Variants in GALNT17 observed in about 807,000 individuals in gnomAD.
The protein encoded by GALNT17 is polypeptide N-acetylgalactosaminyltransferase 17.
In GALNT17, 29 loss-of-function variants were observed where a neutral mutation model predicts 63.7. The ratio of observed to expected loss-of-function variants is 0.46; its 90% CI spans 0.34 to 0.62. The LOEUF is 0.62. Ranked by LOEUF, GALNT17 falls within the 20% of genes least tolerant of loss-of-function variation. The pLI, the probability that GALNT17 is intolerant of heterozygous loss-of-function variation, is 0.01. For missense variants in GALNT17, 603 were observed against 799.6 expected (o/e 0.75, Z 2.97); for synonymous variants, 305 against 318.3 (o/e 0.96, Z 0.45).
chr7:71,413,251 A>C (rs1793462039), intron 3 of GALNT17, among the ~76,000 whole-genome samples: 1 of 152,042 alleles, frequency 6.6e-6, no homozygotes, highest in Non-Finnish European at 1.5e-5. Flanking sequence ...CCCAGCCAAA[A>C]CAGTTTCTCT....
intron 2 of GALNT17, among the ~76,000 whole-genome samples, chr7:71,349,335 C>T (rs916638485): frequency 6.6e-6 from 1 of 152,076 alleles, no homozygotes; most frequent in Admixed American, 6.6e-5. Flanking sequence ...GGGAGAGCCA[C>T]GTGTGCGCTG....
At chr7:71,593,081 T>C (rs1231002776) in intron 6 of GALNT17, among the ~76,000 whole-genome samples, 1 of 151,886 alleles carries the variant, frequency 6.6e-6, no homozygotes, top group African/African-American at 2.4e-5. Flanking sequence ...CCTCAGGTGG[T>C]TGAGGCTGCA....
At chr7:71,534,755 G>A (rs1003069279) in intron 5 of GALNT17, among the ~76,000 whole-genome samples, 14 of 152,140 alleles carry the variant, frequency 9.2e-5, no homozygotes, top group Non-Finnish European at 1.5e-4. Flanking sequence ...TGAGATTTGA[G>A]TGGGGACACA....
At chr7:71,539,038 T>C (rs1199753480) in intron 5 of GALNT17, among the ~76,000 whole-genome samples, 1 of 152,124 alleles carries the variant, frequency 6.6e-6, no homozygotes, top group Non-Finnish European at 1.5e-5. Context: ...CCAGGTTCAA[T>C]TGATTCTCCT....
intron 1 of GALNT17, among the ~76,000 whole-genome samples, chr7:71,329,237 G>A (rs1045427249): frequency 1.3e-3 from 202 of 152,308 alleles, no homozygotes; most frequent in African/African-American, 4.3e-3. Flanking sequence ...GGAGTGTGTG[G>A]CTTGTGAGGG....
intron 5 of GALNT17, among the ~76,000 whole-genome samples, chr7:71,473,260 C>T (rs562330763): frequency 6.6e-6 from 1 of 152,278 alleles, no homozygotes; most frequent in Non-Finnish European, 1.5e-5. Flanking sequence ...AGGTGGCAGG[C>T]TTCAGAGAGA....
At chr7:71,677,184 T>G (rs998105352) in intron 8 of GALNT17, 27 bp from the exon 9 acceptor site, 2 of 1,612,212 alleles carry the variant, frequency 1.2e-6, no homozygotes, top group African/African-American at 2.7e-5. Flanking sequence ...TGAGCTCTCA[T>G]GGGTCGTGTT....
At chr7:71,278,204 A>G (rs1373109526) in intron 1 of GALNT17, among the ~76,000 whole-genome samples, 5 of 152,210 alleles carry the variant, frequency 3.3e-5, no homozygotes, top group African/African-American at 2.4e-5. Flanking sequence ...TTTTGTTAGT[A>G]GCCTTCTTTA....
intron 1 of GALNT17, among the ~76,000 whole-genome samples, chr7:71,263,797 G>A (rs944997460): frequency 5.9e-5 from 9 of 151,998 alleles, no homozygotes; most frequent in Admixed American, 2.0e-4. Context: ...GGTGGCAGGC[G>A]CCTGTAGTCC....
chr7:71,254,767 A>T (rs1399208995), intron 1 of GALNT17, among the ~76,000 whole-genome samples: 1 of 152,192 alleles, frequency 6.6e-6, no homozygotes, highest in East Asian at 1.9e-4. Flanking sequence ...ATAAAGGGTG[A>T]CATGAAAGCC....
chr7:71,134,870 A>T (rs1787754507), intron 1 of GALNT17, among the ~76,000 whole-genome samples: 2 of 83,312 alleles, frequency 2.4e-5, no homozygotes, highest in African/African-American at 9.4e-5. Flanking sequence ...TTTTTTTGAG[A>T]CAGGGTCTTC....
chr7:71,375,309 AC>A (rs1190193017), intron 2 of GALNT17, among the ~76,000 whole-genome samples: 1 of 152,184 alleles, frequency 6.6e-6, no homozygotes, highest in Non-Finnish European at 1.5e-5. Context: ...ATTTGGTAAT[AC>A]GTTTCTCATT....
intron 5 of GALNT17, among the ~76,000 whole-genome samples, chr7:71,564,813 T>G (rs1182066519): frequency 6.6e-6 from 1 of 152,110 alleles, no homozygotes; most frequent in East Asian, 1.9e-4. Flanking sequence ...ACCTCACCAC[T>G]TTGTTGTGAG....
In GALNT17 at chr7:71,588,373, T is replaced by A. The variant is rs376972740; in HGVS notation, c.1080+16971T>A. 1.5e-4 allele frequency among the ~76,000 whole-genome samples: 23 copies of A among 152,324 alleles called. 1 individual carries two copies. In the East Asian group the frequency reaches 1.5e-3, roughly 10 times the overall value. ...GATGAGGTTTAATATTTCTTTATGG[T>A]TTGTTTTGTCCCTAGGATATATTCC... On this transcript the variant is annotated intron_variant, in intron 6 of 10. Transcript: ENST00000333538.
intron 5 of GALNT17, among the ~76,000 whole-genome samples, chr7:71,561,597 G>A (rs1789257069): frequency 6.6e-6 from 1 of 152,186 alleles, no homozygotes; most frequent in South Asian, 2.1e-4. Context: ...TCAGGAAATA[G>A]AAAATAGAGT....
chr7:71,582,070 A>G (rs1025597148), intron 6 of GALNT17, among the ~76,000 whole-genome samples: 10 of 152,168 alleles, frequency 6.6e-5, no homozygotes, highest in African/African-American at 1.9e-4. Flanking sequence ...GTAAACTAGA[A>G]CAATCACTAT....
chr7:71,248,567 A>G (rs934148188), intron 1 of GALNT17, among the ~76,000 whole-genome samples: 4 of 152,068 alleles, frequency 2.6e-5, no homozygotes, highest in African/African-American at 9.7e-5. Context: ...ATGTGGTGAA[A>G]ATAGGAATGA....
intron 1 of GALNT17, among the ~76,000 whole-genome samples, chr7:71,286,503 T>C (rs1790875651): frequency 6.6e-6 from 1 of 152,074 alleles, no homozygotes; most frequent in South Asian, 2.1e-4. Context: ...AGGGCCAGTA[T>C]TATTCCCGTT....
chr7:71,375,045 G>A (rs1792695907), intron 2 of GALNT17, among the ~76,000 whole-genome samples: 1 of 151,972 alleles, frequency 6.6e-6, no homozygotes. Flanking sequence ...TCACCATGTT[G>A]GCCAGGCTGG....
Sources: allele counts gnomAD v4.1 joint callset (sites outside exome capture counted in the v4.1 genomes callset), GRCh38; gene constraint gnomAD v4.1.1; transcripts MANE v1.5; gene names NCBI Gene and HGNC (gene_info 2026-07-23, HGNC 2026-07-21).